The following PDE11A variants were observed in gnomAD, a reference collection of about 807,000 sequenced individuals.
PDE11A encodes the protein dual 3',5'-cyclic-AMP and -GMP phosphodiesterase 11A.
A neutral mutation model predicts 100.5 loss-of-function variants in PDE11A; 100 were observed. That is an observed-to-expected ratio of 1.00 (90% CI 0.85 to 1.18). The LOEUF (loss-of-function observed/expected upper bound fraction) is 1.18, where lower values mean the gene tolerates loss of function less well. Ranked by LOEUF, PDE11A falls within the 50% of genes most tolerant of loss-of-function variation. The pLI, the probability that PDE11A is intolerant of heterozygous loss-of-function variation, is 0.00. For missense variants in PDE11A, 1,141 were observed against 1,152.6 expected, an observed-to-expected ratio of 0.99 and a Z score of 0.15; for synonymous variants, 381 against 420.8, an observed-to-expected ratio of 0.91 and a Z score of 1.16.
intron 1 of PDE11A, among the ~76,000 whole-genome samples, chr2:178,036,673 A>G (rs577950949): frequency 6.6e-6 from 1 of 152,292 alleles, no homozygotes; most frequent in South Asian, 2.1e-4. Flanking sequence ...ACCAAAACAG[A>G]TACATAGACC....
intron 1 of PDE11A, among the ~76,000 whole-genome samples, chr2:178,064,495 TG>T (rs1384363125): frequency 1.3e-5 from 2 of 152,168 alleles, no homozygotes; most frequent in Non-Finnish European, 2.9e-5. Context: ...TTTCTCCTTT[TG>T]TAAAATGGGT....
chr2:177,942,250 G>T (rs2085353007), intron 2 of PDE11A, among the ~76,000 whole-genome samples: 2 of 151,956 alleles, frequency 1.3e-5, no homozygotes, highest in African/African-American at 4.8e-5. Context: ...GTAAAATTGG[G>T]GTAATAATAG....
chr2:177,950,469 G>A (rs2085492977), intron 2 of PDE11A, among the ~76,000 whole-genome samples: 1 of 152,094 alleles, frequency 6.6e-6, no homozygotes, highest in Non-Finnish European at 1.5e-5. Flanking sequence ...TCTCCCTGAA[G>A]TCACAGGGCA....
intron 2 of PDE11A, chr2:177,998,576 A>C (rs1200142539): frequency 1.5e-6 from 2 of 1,304,552 alleles, no homozygotes; most frequent in Non-Finnish European, 2.2e-6. Flanking sequence ...CTAACTGTGC[A>C]TTGATAGCAG....
intron 10 of PDE11A, among the ~76,000 whole-genome samples, chr2:177,734,351 A>G (rs1298658678): frequency 6.6e-6 from 1 of 152,172 alleles, no homozygotes; most frequent in Non-Finnish European, 1.5e-5. Context: ...GGAGGTGACA[A>G]ACGAGGAGAT....
chr2:177,885,131 T>C (rs976765757), intron 4 of PDE11A, among the ~76,000 whole-genome samples: 10 of 152,158 alleles, frequency 6.6e-5, no homozygotes, highest in African/African-American at 2.2e-4. Flanking sequence ...TGATTTACTA[T>C]ATTGATATAC....
intron 2 of PDE11A, among the ~76,000 whole-genome samples, chr2:178,005,327 A>G (rs1294147344): frequency 6.6e-6 from 1 of 152,058 alleles, no homozygotes; most frequent in Non-Finnish European, 1.5e-5. Flanking sequence ...AAAGCTACAG[A>G]AAAAAATTGA....
At chr2:178,030,965 A>G (rs1183075717) in intron 1 of PDE11A, among the ~76,000 whole-genome samples, 1 of 151,400 alleles carries the variant, frequency 6.6e-6, no homozygotes, top group African/African-American at 2.4e-5. Context: ...CAGACAATAC[A>G]TAAAAAAAGA....
At chr2:178,070,851 A>G (rs1340872888) in intron 1 of PDE11A, among the ~76,000 whole-genome samples, 1 of 152,204 alleles carries the variant, frequency 6.6e-6, no homozygotes, top group East Asian at 1.9e-4. Flanking sequence ...AGATAATGCT[A>G]TATTTGAGCC....
At chr2:177,696,593 G>A (rs2081115384) in intron 15 of PDE11A, among the ~76,000 whole-genome samples, 1 of 152,170 alleles carries the variant, frequency 6.6e-6, no homozygotes, top group South Asian at 2.1e-4. Context: ...TCTTCACGGT[G>A]TAAATGGGTG....
chr2:178,001,275 AGTGTGT>A (rs57136586), intron 2 of PDE11A, among the ~76,000 whole-genome samples: 20 of 140,654 alleles, frequency 1.4e-4, no homozygotes, highest in East Asian at 8.1e-4. Flanking sequence ...ACAATGTGAA[AGTGTGT>A]GTGTGTGTGT....
chr2:178,041,464 G>A (rs1029127706), intron 1 of PDE11A, among the ~76,000 whole-genome samples: 4 of 151,168 alleles, frequency 2.6e-5, no homozygotes, highest in African/African-American at 9.7e-5. Context: ...GGCTGGTCTC[G>A]AACTCCTGAC....
At chr2:177,914,170 C>T (rs1457773092) in intron 2 of PDE11A, among the ~76,000 whole-genome samples, 2 of 152,022 alleles carry the variant, frequency 1.3e-5, no homozygotes, top group Non-Finnish European at 2.9e-5. Flanking sequence ...TAAAATATGG[C>T]CTCTTTTGCT....
intron 13 of PDE11A, among the ~76,000 whole-genome samples, chr2:177,708,526 G>T (rs1001348289): frequency 6.6e-6 from 1 of 152,116 alleles, no homozygotes; most frequent in Non-Finnish European, 1.5e-5. Flanking sequence ...TCAGGTACTG[G>T]GCTTAATACC....
At chr2:177,640,074 A>C (rs911704798) in intron 19 of PDE11A, among the ~76,000 whole-genome samples, 1 of 152,226 alleles carries the variant, frequency 6.6e-6, no homozygotes, top group African/African-American at 2.4e-5. Flanking sequence ...CTATTTCCAG[A>C]GTTGCTAGTG....
intron 4 of PDE11A, among the ~76,000 whole-genome samples, chr2:177,886,224 A>G (rs555855021): frequency 7.5e-4 from 114 of 152,372 alleles, no homozygotes; most frequent in African/African-American, 2.6e-3. Context: ...TAATGTTAAC[A>G]GCAGCAGCCA....
intron 4 of PDE11A, among the ~76,000 whole-genome samples, chr2:177,894,263 G>T (rs1353242694): frequency 1.3e-5 from 2 of 152,148 alleles, no homozygotes; most frequent in Non-Finnish European, 2.9e-5. Context: ...TAAGTTTTCT[G>T]CTGGGGATGC....
chr2:178,047,290 C>T (rs1051650406), intron 1 of PDE11A, among the ~76,000 whole-genome samples: 13 of 152,038 alleles, frequency 8.6e-5, no homozygotes, highest in Middle Eastern at 6.8e-3. Context: ...AGTGAAACCC[C>T]GTCTTTACTA....
intron 1 of PDE11A, among the ~76,000 whole-genome samples, chr2:178,020,119 A>G (rs1292401195): frequency 6.6e-6 from 1 of 152,204 alleles, no homozygotes; most frequent in Non-Finnish European, 1.5e-5. Context: ...AATAAAACCT[A>G]TTGATGGGAA....
Sources: gnomAD v4.1 joint callset for allele counts (sites outside exome capture counted in the v4.1 genomes callset) on GRCh38, gnomAD v4.1.1 for gene constraint, MANE v1.5 for transcripts, NCBI Gene and HGNC (gene_info 2026-07-23, HGNC 2026-07-21) for gene names.